Variants in TADA2A observed in about 807,000 individuals in gnomAD.
TADA2A encodes transcriptional adapter 2-alpha.
A neutral mutation model predicts 67.4 loss-of-function variants in TADA2A; 38 were observed. The ratio of observed to expected loss-of-function variants is 0.56; its 90% CI spans 0.44 to 0.74. The LOEUF (loss-of-function observed/expected upper bound fraction) is 0.74. TADA2A is among the 30% of genes least tolerant of loss of function. The pLI is 0.00. For missense variants in TADA2A, 454 were observed against 547.0 expected, an observed-to-expected ratio of 0.83 and a Z score of 1.70; for synonymous variants, 192 against 181.6, an observed-to-expected ratio of 1.06 and a Z score of -0.46.
chr17:37,409,784 AAAAAC>A (rs1453919075), intron 1 of TADA2A, among the ~76,000 whole-genome samples: 1 of 142,170 alleles, frequency 7.0e-6, no homozygotes, highest in Non-Finnish European at 1.6e-5. Context: ...AAACAAAAAC[AAAAAC>A]AAAAAGCTGT....
Position 37,440,656 on chromosome 17 carries a change from T to C in TADA2A, c.436T>C (p.Phe146Leu). ...EAKTADTAIP[F>L]HSTDDPPRPT... ...AAAAACTGCTGACACAGCCATTCCA[T>C]TTCACTGTAAGTGCCTCCCTATCTT... Residue 146 changes from phenylalanine to leucine, a missense_variant, in exon 6 of 16, where the codon TTT becomes CTT. Physicochemically the swap from Phe to Leu is conservative, Grantham distance 22. This residue lies in a region of TADA2A where 403 missense variants were observed against 455.5 expected (regional missense o/e 0.88). Transcript: ENST00000615182. 6.2e-7 allele frequency: 1 copy of C among 1,614,200 alleles called. No homozygotes were observed. Among genetic ancestry groups the C allele is most frequent in the Non-Finnish European group, 8.5e-7 (1 of 1,180,026 alleles).
intron 9 of TADA2A, chr17:37,461,818 T>G: frequency 3.0e-6 from 1 of 332,318 alleles, no homozygotes; most frequent in Non-Finnish European, 5.5e-6. Context: ...TTGTGAGTGG[T>G]TATTGATTGA....
chr17:37,472,225 C>G (rs2053803106), intron 14 of TADA2A, among the ~76,000 whole-genome samples: 1 of 152,058 alleles, frequency 6.6e-6, no homozygotes, highest in African/African-American at 2.4e-5. Context: ...GCCACTATGC[C>G]CAGCTGATTT....
At chr17:37,458,495 A>G (rs2053456654) in intron 8 of TADA2A, 29 bp from the exon 9 acceptor site, 2 of 1,526,762 alleles carry the variant, frequency 1.3e-6, no homozygotes, top group Non-Finnish European at 1.8e-6. Flanking sequence ...TGATATGTAT[A>G]TATAGTATAT....
At position 37,470,428 on chromosome 17, in the gene TADA2A, G is replaced by A; in HGVS notation, c.924G>A (p.Lys308=). ...CSARTYDHLK[K]TREEERLKRT... is the part of the protein sequence containing the mutation. ...CCAGAACCTACGATCACCTCAAGAA[G>A]ACACGGGAGGAAGAGCGCCTTAAAC... Residue 308 remains lysine (K), a synonymous_variant, in exon 13 of 16, where the codon AAG becomes AAA. Coordinates refer to ENST00000615182, the MANE Select transcript of TADA2A (RefSeq NM_001166105.3). 1.2e-6 allele frequency: 2 copies of A among 1,613,788 alleles called. No individual in the cohort carries two copies. The highest frequency in any genetic ancestry group is 8.5e-7 in the Non-Finnish European group (1 of 1,179,902).
At chr17:37,465,849 C>A (rs972877514) in intron 11 of TADA2A, among the ~76,000 whole-genome samples, 11 of 152,152 alleles carry the variant, frequency 7.2e-5, no homozygotes, top group Admixed American at 5.2e-4. Context: ...TCCCGTGTAT[C>A]CATCATCCAG....
At chr17:37,416,306 A>G (rs188852122) in intron 2 of TADA2A, among the ~76,000 whole-genome samples, 2 of 151,714 alleles carry the variant, frequency 1.3e-5, no homozygotes, top group South Asian at 2.1e-4. Flanking sequence ...TTTAGTAGAG[A>G]TGGGCTTTCC....
intron 14 of TADA2A, among the ~76,000 whole-genome samples, chr17:37,471,640 TGG>T (rs1439296487): frequency 6.6e-6 from 1 of 152,062 alleles, no homozygotes; most frequent in Admixed American, 6.6e-5. Flanking sequence ...CCCGAACAGC[TGG>T]GATTACAGGC....
intron 7 of TADA2A, among the ~76,000 whole-genome samples, chr17:37,444,259 C>CAA (rs5820215): frequency 0.35 from 45,559 of 131,888 alleles, 8,394 homozygotes; most frequent in East Asian, 0.78. Flanking sequence ...ACCCTGTTTC[C>CAA]AAAAAAAAAA....
At chr17:37,439,934 A>T (rs1030321588) in intron 5 of TADA2A, among the ~76,000 whole-genome samples, 3,334 of 88,530 alleles carry the variant, frequency 0.038, 48 homozygotes, top group East Asian at 0.073. Context: ...TTATTTATTT[A>T]TTTATTTATT....
Position 37,458,665 on chromosome 17 carries a change from GTGTGTGTGTC to G in TADA2A, c.668+84_668+93del, listed in dbSNP as rs1188768581. 1.9e-3 allele frequency: 2,333 copies of G among 1,212,710 alleles called. 44 individuals are homozygous for G. In the East Asian group the frequency reaches 0.052, roughly 27 times the overall value. 75.1% of individuals were successfully genotyped at this position (1,212,710 alleles called of 1,614,324 possible). ...TGTGTGTGTGTGTGTGTGTGTGTGT[GTGTGTGTGTC>G]TGTGTCTGTGTCTGTGAGAGAGGCA... On this transcript the variant is annotated intron_variant, in intron 9 of 15. Coordinates refer to ENST00000615182, the MANE Select transcript of TADA2A (RefSeq NM_001166105.3).
intron 4 of TADA2A, among the ~76,000 whole-genome samples, chr17:37,434,471 G>A (rs566239247): frequency 3.3e-5 from 5 of 152,214 alleles, no homozygotes; most frequent in South Asian, 2.1e-4. Context: ...CTTATTATTC[G>A]TTTGATTTTT....
At chr17:37,461,875 A>G (rs1384810112) in intron 9 of TADA2A, 5 of 503,632 alleles carry the variant, frequency 9.9e-6, no homozygotes, top group Non-Finnish European at 1.8e-5. Flanking sequence ...ATGCCCAACA[A>G]GAGGAAAAAC....
chr17:37,438,853 A>G (rs2052811005), intron 5 of TADA2A, among the ~76,000 whole-genome samples: 1 of 152,202 alleles, frequency 6.6e-6, no homozygotes, highest in Admixed American at 6.6e-5. Flanking sequence ...AAAGAACATA[A>G]AAAAGACATA....
chr17:37,434,286 A>G (rs1355358306), intron 4 of TADA2A, among the ~76,000 whole-genome samples: 4 of 152,218 alleles, frequency 2.6e-5, no homozygotes, highest in South Asian at 2.1e-4. Context: ...TCATTTTATC[A>G]TATCAGACGA....
chr17:37,420,650 C>T (rs1388066287), intron 2 of TADA2A, among the ~76,000 whole-genome samples: 3 of 145,838 alleles, frequency 2.1e-5, no homozygotes, highest in Non-Finnish European at 4.6e-5. Flanking sequence ...GCCTCAGCCT[C>T]CCAAAGTGCT....
chr17:37,434,662 A>G (rs2052668932), intron 4 of TADA2A, among the ~76,000 whole-genome samples: 1 of 152,204 alleles, frequency 6.6e-6, no homozygotes, highest in South Asian at 2.1e-4. Flanking sequence ...TTAATCTTTT[A>G]ATTCTATCAC....
At chr17:37,432,925 ATTTTTT>A (rs1046006991) in intron 4 of TADA2A, among the ~76,000 whole-genome samples, 34 of 52,208 alleles carry the variant, frequency 6.5e-4, no homozygotes, top group South Asian at 1.0e-3. Context: ...TGGTATTACA[ATTTTTT>A]TTTTTTTTTT....
chr17:37,427,279 A>G (rs1445880427), intron 4 of TADA2A, among the ~76,000 whole-genome samples: 1 of 152,240 alleles, frequency 6.6e-6, no homozygotes, highest in South Asian at 2.1e-4. Flanking sequence ...AATTATTCAA[A>G]GGAAATACTT....
Sources: gnomAD v4.1 joint callset for allele counts (sites outside exome capture counted in the v4.1 genomes callset) on GRCh38, gnomAD v4.1.1 for gene constraint, gnomAD v4.1.1 regional missense constraint, MANE v1.5 for transcripts, NCBI Gene and HGNC (gene_info 2026-07-23, HGNC 2026-07-21) for gene names.